Variants in PGF observed in about 807,000 individuals in gnomAD.
PGF encodes placenta growth factor.
A neutral mutation model predicts 25.3 loss-of-function variants in PGF; 11 were observed. The observed-to-expected ratio is 0.43, with a 90% CI of 0.27 to 0.72. The LOEUF (loss-of-function observed/expected upper bound fraction) is 0.72. Ranked by LOEUF, PGF falls within the 30% of genes least tolerant of loss-of-function variation. The pLI is 0.18. For missense variants in PGF, 230 were observed against 234.9 expected (o/e 0.98, Z 0.14); for synonymous variants, 105 against 97.9 (o/e 1.07, Z -0.43).
At position 74,949,425 on chromosome 14, in the gene PGF, A is replaced by G; in HGVS notation, c.247T>C (p.Cys83Arg). 6.2e-7 allele frequency: 1 copy of G among 1,610,818 alleles called. No individual in the cohort carries two copies. The highest frequency in any genetic ancestry group is 8.5e-7 in the Non-Finnish European group (1 of 1,178,686). Residue 83 changes from cysteine (C) to arginine (R), a missense_variant, in exon 3 of 7, where the codon TGC (cysteine) becomes CGC (arginine). Physicochemically the swap from Cys to Arg is radical, Grantham distance 180. Transcript: ENST00000555567. The stretch of plus-strand genomic sequence containing the variant: ...TTCTCATCGCCGCAGCAGCCGGTGC[A>G]GCGCAGCAGGGAGACACAGGATGGG... ...FSPSCVSLLRCTGCCGDENLH... is the reference protein window; with the variant it reads ...FSPSCVSLLRRTGCCGDENLH...
Position 74,942,714 on chromosome 14 carries a change from G to C in PGF, c.505C>G (p.Arg169Gly). The change falls in exon 7 of 7, where the codon CGG becomes GGG. Residue 169 changes from arginine (R) to glycine (G), a missense_variant. Arg to Gly is a moderately radical substitution (Grantham distance 125, BLOSUM62 -2). Transcript: ENST00000555567. ...CTCCTCCAAGGGGTGGGTTACCTCC[G>C]GGGAACAGCATCGCCGCACCTGCCA... ...DCHLCGDAVP[R>G]R 7 of 1,611,770 alleles carry C rather than the reference G, an allele frequency of 4.3e-6. No individual in the cohort carries two copies. In the South Asian group the frequency reaches 7.7e-5, roughly 18 times the overall value.
At position 74,955,055 on chromosome 14, in the gene PGF, G is replaced by A. The variant is rs1323864743; in HGVS notation, c.75+113C>T. On this transcript the variant is annotated intron_variant, in intron 1 of 6. Coordinates refer to ENST00000555567, the MANE Select transcript of PGF (RefSeq NM_002632.6). The surrounding 1 kb of genome is among the most constrained non-coding windows in gnomAD (Gnocchi z 4.1). ...CAGCCTGGCCTTTAGGAAGTGTGTG[G>A]ACATCCTTGGAGTTGCTGCTCCCTG... 4.1e-6 allele frequency: 2 copies of A among 489,512 alleles called. No individual in the cohort carries two copies. The highest frequency in any genetic ancestry group is 4.3e-5 in the Admixed American group (1 of 23,212). The allele number at this position is 489,512 out of a possible 1,614,324, so 30.3% of individuals were successfully genotyped here. A position where few individuals can be genotyped will look rare whatever the true frequency, so the allele number is the denominator to read the frequency against.
rs61759406 is a variant in PGF, at chr14:74,942,878, T to C, written c.486-145A>G. 2,907 of 662,074 alleles carry C rather than the reference T, an allele frequency of 4.4e-3. 62 individuals carry two copies. In the African/African-American group the frequency reaches 0.049, roughly 11 times the overall value. 41.0% of individuals were successfully genotyped at this position (662,074 alleles called of 1,614,324 possible). ...GCAGTGCTCCTGGGTCCCTGCTTGC[T>C]TCAAGCTGAGGAGAAGCTGGGAGCT... is the stretch of plus-strand genomic sequence containing the variant. On this transcript the variant is annotated intron_variant, in intron 6 of 6. Transcript: ENST00000555567.
chr14:74,947,088 A>G (rs934871397), intron 4 of PGF: 8 of 499,414 alleles, frequency 1.6e-5, no homozygotes, highest in Admixed American at 3.4e-5. Context: ...AGGACATGCT[A>G]CCCTCAGCTG....
At chr14:74,947,023 C>G (rs1888755239) in intron 4 of PGF, 1 of 602,440 alleles carries the variant, frequency 1.7e-6, no homozygotes, top group Admixed American at 2.8e-5. Context: ...TCAGTCTTCA[C>G]TGGGAACAGT....
At position 74,949,511 on chromosome 14, in the gene PGF, G is replaced by A. The variant is rs371967102; in HGVS notation, c.161C>T (p.Ala54Val). The A allele has an allele frequency of 4.4e-6, 7 of 1,602,236 alleles. No individual in the cohort carries two copies. Among genetic ancestry groups the A allele is most frequent in the African/African-American group, 2.7e-5 (2 of 74,474 alleles). ...CACGACGTCCACCAGCCTCTCCAGC[G>A]CCCGGCAGTAGCTGCGGCCCCACAC... ...QEVWGRSYCR[A>V]LERLVDVVSE... is the part of the protein sequence containing the mutation. Residue 54 changes from alanine (A) to valine (V), a missense_variant, in exon 3 of 7, where the codon GCG becomes GTG. Transcript: ENST00000555567.
In PGF at chr14:74,942,760, C is replaced by CA. The variant is rs773475604; in HGVS notation, c.486-28_486-27insT. ...TGCCAGAGACCAAGCACAGACGGGG[C>CA]GGGTATCAGCACACTGTGGAGGGTG... On this transcript the variant is annotated intron_variant, in intron 6 of 6. Coordinates refer to ENST00000555567, the MANE Select transcript of PGF (RefSeq NM_002632.6). 28 of 1,603,124 alleles carry CA rather than the reference C, an allele frequency of 1.7e-5. No homozygotes were observed. The African/African-American group carries it at 3.8e-4, about 22-fold the overall frequency.
At chr14:74,943,055 C>A (rs767637573) in intron 6 of PGF, among the ~76,000 whole-genome samples, 1 of 152,328 alleles carries the variant, frequency 6.6e-6, no homozygotes, top group South Asian at 2.1e-4. Context: ...TGCCTGTGGT[C>A]ACACGGCCAG....
chr14:74,954,173 T>A, intron 1 of PGF: 1 of 574,992 alleles, frequency 1.7e-6, no homozygotes, highest in Non-Finnish European at 3.1e-6. Flanking sequence ...TGGAAAAGGA[T>A]GGGAGGCTAG....
Position 74,948,562 on chromosome 14 carries a change from C to T in PGF, c.337G>A (p.Asp113Asn), listed in dbSNP as rs773951314. 14 of 1,604,222 alleles carry T rather than the reference C, an allele frequency of 8.7e-6. No homozygotes were observed. The highest frequency in any genetic ancestry group is 1.2e-5 in the Non-Finnish European group (14 of 1,172,420). Residue 113 changes from aspartate (D) to asparagine (N), a missense_variant, in exon 4 of 7, where the codon GAC (aspartate) becomes AAC (asparagine). Asp to Asn is a conservative substitution (Grantham distance 23, BLOSUM62 1). Transcript: ENST00000555567. ...GTCAGCTCCACGTAGGAGGGCCGGT[C>T]CCCAGAACGGATCTTTAGGAGCTGA... ...TMQLLKIRSG[D>N]RPSYVELTFS... is the part of the protein sequence containing the mutation.
chr14:74,944,293 G>A (rs1479134837), intron 6 of PGF, among the ~76,000 whole-genome samples: 1 of 151,684 alleles, frequency 6.6e-6, no homozygotes, highest in African/African-American at 2.4e-5. Context: ...TAGTACAGAT[G>A]GGGTTTCACC....
At chr14:74,952,743 G>C (rs1158181968) in intron 2 of PGF, among the ~76,000 whole-genome samples, 1 of 152,116 alleles carries the variant, frequency 6.6e-6, no homozygotes, top group East Asian at 1.9e-4. Flanking sequence ...ACACTTCCAG[G>C]CCTCCCCACC....
At chr14:74,946,443 G>A (rs369549271) in intron 4 of PGF, 35 bp from the exon 5 acceptor site, 19 of 1,581,294 alleles carry the variant, frequency 1.2e-5, no homozygotes, top group South Asian at 2.3e-5. Flanking sequence ...GCAGAGGAAC[G>A]TTAGGAAAGC....
In PGF at chr14:74,946,254, C is replaced by T; in HGVS notation, c.444G>A (p.Gly148=). 3 of 1,614,190 alleles carry T rather than the reference C, an allele frequency of 1.9e-6. No individual in the cohort carries two copies. The highest frequency in any genetic ancestry group is 2.5e-6 in the Non-Finnish European group (3 of 1,180,006). The change falls in exon 6 of 7, where the codon GGG becomes GGA. Residue 148 remains glycine, a synonymous_variant. Coordinates refer to ENST00000555567, the MANE Select transcript of PGF (RefSeq NM_002632.6). ...GTCTCTGCTTCTCTCTCCTCCTCTT[C>T]CCCCTGCCCTTGGGTCTCCTCCTGC... ...KPERRRPKGR[G]KRRREKQRPT...
In PGF at chr14:74,946,312, G is replaced by A. The variant is rs190260271; in HGVS notation, c.423-37C>T. ...CAAGCGTCAGGACAAGGTGGCTGGG[G>A]AACCCCATGCTAGGACAGAGGCTGG... On this transcript the variant is annotated intron_variant, in intron 5 of 6. Coordinates refer to ENST00000555567, the MANE Select transcript of PGF (RefSeq NM_002632.6). 136 of 1,613,982 alleles carry A rather than the reference G, an allele frequency of 8.4e-5. No homozygotes were observed. In the African/African-American group the frequency reaches 1.5e-3, roughly 17 times the overall value.
intron 6 of PGF, chr14:74,944,922 CT>C (rs5809688): frequency 0.81 from 93,909 of 116,350 alleles, 37,971 homozygotes; most frequent in Non-Finnish European, 0.9. Context: ...TTTTGGAATT[CT>C]TTTTTTTTTT....
rs764010740 is a variant in PGF at position 74,949,410 on chromosome 14, C to T, written c.262G>A (p.Gly88Ser). 27 of 1,606,704 alleles carry T rather than the reference C, an allele frequency of 1.7e-5. No homozygotes were observed. The highest frequency in any genetic ancestry group is 2.7e-5 in the African/African-American group (2 of 74,622). The change falls in exon 3 of 7, where the codon GGC becomes AGC. Residue 88 changes from glycine (G) to serine (S), a missense_variant. Physicochemically the swap from Gly to Ser is moderately conservative, Grantham distance 56. Coordinates refer to ENST00000555567, the MANE Select transcript of PGF (RefSeq NM_002632.6). ...VSLLRCTGCC[G>S]DENLHCVPVE... ...GGCACACAGTGCAGATTCTCATCGC[C>T]GCAGCAGCCGGTGCAGCGCAGCAGG... is the stretch of plus-strand genomic sequence containing the variant.
At chr14:74,943,654 T>A (rs990844901) in intron 6 of PGF, among the ~76,000 whole-genome samples, 6 of 152,222 alleles carry the variant, frequency 3.9e-5, no homozygotes, top group African/African-American at 1.4e-4. Context: ...GAATCCTGTC[T>A]CAGTCTGGCA....
intron 2 of PGF, among the ~76,000 whole-genome samples, chr14:74,951,506 C>T (rs1428976131): frequency 6.6e-6 from 1 of 152,212 alleles, no homozygotes; most frequent in Non-Finnish European, 1.5e-5. Flanking sequence ...TGCCAAAGCA[C>T]CACAGAAGAC....
Sources: gnomAD v4.1 joint callset for allele counts (sites outside exome capture counted in the v4.1 genomes callset) on GRCh38, gnomAD v4.1.1 for gene constraint, Gnocchi (gnomAD v3.1) non-coding constraint, MANE v1.5 for transcripts, NCBI Gene and HGNC (gene_info 2026-07-23, HGNC 2026-07-21) for gene names.